The following PRLR variants were observed in gnomAD, a reference collection of about 807,000 sequenced individuals.
PRLR encodes hPRL receptor.
A neutral mutation model predicts 40.2 loss-of-function variants in PRLR; 13 were observed. That is an observed-to-expected ratio of 0.32 (90% CI 0.21 to 0.51). PRLR has a LOEUF of 0.51. Ranked by LOEUF, PRLR falls within the 20% of genes least tolerant of loss-of-function variation. The pLI is 0.97. For synonymous variants in PRLR, 269 were observed against 278.7 expected (o/e 0.97, Z 0.35); for missense variants, 656 against 747.3 (o/e 0.88, Z 1.42).
intron 2 of PRLR, among the ~76,000 whole-genome samples, chr5:35,100,772 C>T (rs1056331834): frequency 6.6e-6 from 1 of 152,140 alleles, no homozygotes; most frequent in Non-Finnish European, 1.5e-5. Context: ...TTTACATATT[C>T]CCCCCTCTAT....
chr5:35,188,911 T>C (rs1775519756), intron 1 of PRLR, among the ~76,000 whole-genome samples: 2 of 152,336 alleles, frequency 1.3e-5, no homozygotes, highest in Middle Eastern at 3.4e-3. Context: ...TGGGTTGAAT[T>C]GTGCCCTCCC....
intron 2 of PRLR, among the ~76,000 whole-genome samples, chr5:35,107,140 T>G (rs1048482115): frequency 9.2e-5 from 14 of 152,076 alleles, no homozygotes; most frequent in African/African-American, 3.1e-4. Context: ...GGTAAATAAG[T>G]AAATGAAGGC....
chr5:35,224,212 C>T (rs1262330339), intron 1 of PRLR, among the ~76,000 whole-genome samples: 3 of 152,198 alleles, frequency 2.0e-5, no homozygotes, highest in Non-Finnish European at 4.4e-5. Context: ...GTGTCTGTGC[C>T]TCTGTACTTT....
intron 1 of PRLR, among the ~76,000 whole-genome samples, chr5:35,133,418 A>G (rs1267841832): frequency 6.6e-6 from 1 of 152,212 alleles, no homozygotes; most frequent in African/African-American, 2.4e-5. Context: ...CAGAGACCAA[A>G]GCAGAATTGT....
chr5:35,157,022 A>C (rs1487438064), intron 1 of PRLR, among the ~76,000 whole-genome samples: 1 of 152,020 alleles, frequency 6.6e-6, no homozygotes, highest in African/African-American at 2.4e-5. Flanking sequence ...CCAGAGCTTG[A>C]AACAGTCCAT....
intron 3 of PRLR, among the ~76,000 whole-genome samples, chr5:35,086,821 A>G (rs775022823): frequency 6.6e-6 from 1 of 152,168 alleles, no homozygotes; most frequent in Non-Finnish European, 1.5e-5. Flanking sequence ...ACACCGCTCT[A>G]TGGCACTTCT....
chr5:35,215,853 A>AC (rs1776272982), intron 1 of PRLR, among the ~76,000 whole-genome samples: 1 of 146,354 alleles, frequency 6.8e-6, no homozygotes, highest in African/African-American at 2.6e-5. Flanking sequence ...ACATGGTGAA[A>AC]TCCTGTCTCT....
intron 1 of PRLR, among the ~76,000 whole-genome samples, chr5:35,154,919 T>C (rs1483222525): frequency 1.3e-5 from 2 of 152,026 alleles, no homozygotes; most frequent in African/African-American, 4.8e-5. Flanking sequence ...TTTTCACTTA[T>C]TAGTGGGAGC....
chr5:35,079,338 C>T (rs937871612), intron 5 of PRLR, among the ~76,000 whole-genome samples: 2 of 152,208 alleles, frequency 1.3e-5, no homozygotes, highest in Non-Finnish European at 2.9e-5. Context: ...TCTCCTTAAG[C>T]TGATAAGCAA....
At chr5:35,207,096 G>A (rs1776042236) in intron 1 of PRLR, among the ~76,000 whole-genome samples, 1 of 152,030 alleles carries the variant, frequency 6.6e-6, no homozygotes, top group Admixed American at 6.6e-5. Context: ...AAAATGTTAT[G>A]TAAGAGGTGT....
At chr5:35,144,130 A>G (rs2111833648) in intron 1 of PRLR, among the ~76,000 whole-genome samples, 1 of 151,612 alleles carries the variant, frequency 6.6e-6, no homozygotes, top group Admixed American at 6.6e-5. Flanking sequence ...TTCCAAAAAA[A>G]AAAAAAAAAA....
intron 1 of PRLR, among the ~76,000 whole-genome samples, chr5:35,126,779 T>C (rs1773483887): frequency 6.6e-6 from 1 of 152,228 alleles, no homozygotes; most frequent in Non-Finnish European, 1.5e-5. Context: ...AATTAATATA[T>C]GCTAATGATT....
intron 8 of PRLR, among the ~76,000 whole-genome samples, chr5:35,050,176 G>A (rs1354007615): frequency 1.3e-5 from 2 of 152,176 alleles, no homozygotes; most frequent in East Asian, 3.9e-4. Flanking sequence ...TGGGATTACA[G>A]GCATGAGCCA....
intron 1 of PRLR, among the ~76,000 whole-genome samples, chr5:35,188,846 G>A (rs2112002147): frequency 1.3e-5 from 2 of 152,232 alleles, no homozygotes; most frequent in South Asian, 4.2e-4. Context: ...TGTTTTAAAT[G>A]CTTTCCAGGA....
intron 2 of PRLR, among the ~76,000 whole-genome samples, chr5:35,107,131 G>C (rs2111604676): frequency 6.6e-6 from 1 of 152,288 alleles, no homozygotes. Flanking sequence ...TGACTACTGG[G>C]TAAATAAGTA....
chr5:35,197,093 G>A (rs1437766425), intron 1 of PRLR, among the ~76,000 whole-genome samples: 1 of 152,214 alleles, frequency 6.6e-6, no homozygotes, highest in Non-Finnish European at 1.5e-5. Context: ...GTAGAGAGGT[G>A]TAGGTTCTTG....
At chr5:35,190,615 G>GAAAAAAA (rs59704593) in intron 1 of PRLR, among the ~76,000 whole-genome samples, 1 of 148,312 alleles carries the variant, frequency 6.7e-6, no homozygotes. Context: ...TTTGCCTCAG[G>GAAAAAAA]AAAAAAAAAA....
chr5:35,070,655 C>A (rs1480976214), intron 6 of PRLR, among the ~76,000 whole-genome samples: 1 of 151,492 alleles, frequency 6.6e-6, no homozygotes, highest in Admixed American at 6.6e-5. Flanking sequence ...ATCAGCCTGA[C>A]CAACATGGAG....
In PRLR at chr5:35,134,352, C is replaced by T. The variant is rs114904127; in HGVS notation, c.-105-16230G>A. Among the ~76,000 whole-genome samples the T allele has an allele frequency of 7.3e-3, 1,082 of 148,354 alleles. 15 individuals carry two copies. Among genetic ancestry groups the T allele is most frequent in the African/African-American group, 0.026 (1,051 of 40,076 alleles). On this transcript the variant is annotated intron_variant, in intron 1 of 9. Coordinates refer to ENST00000618457, the MANE Select transcript of PRLR (RefSeq NM_000949.7). ...CTTGGATTATCACAGCAAGATCTGG[C>T]GCTGTGAAGATCATATTGCTTTCTG...
Sources: gnomAD v4.1 joint callset for allele counts (sites outside exome capture counted in the v4.1 genomes callset) on GRCh38, gnomAD v4.1.1 for gene constraint, MANE v1.5 for transcripts, NCBI Gene and HGNC (gene_info 2026-07-23, HGNC 2026-07-21) for gene names.